The following PTPRE variants were observed in gnomAD, a reference collection of about 807,000 sequenced individuals.
PTPRE encodes the protein protein tyrosine phosphatase receptor type E.
In PTPRE, 51 loss-of-function variants were observed where a neutral mutation model predicts 102.0. The observed-to-expected ratio is 0.50, with a 90% CI of 0.40 to 0.63. The LOEUF (loss-of-function observed/expected upper bound fraction) is 0.63. Ranked by LOEUF, PTPRE falls within the 30% of genes least tolerant of loss-of-function variation. The probability of loss-of-function intolerance (pLI) is 0.00; values close to 1 mark genes in which losing one functional copy is unlikely to be tolerated. For missense variants in PTPRE, 752 were observed against 915.1 expected (o/e 0.82, Z 2.30); for synonymous variants, 345 against 348.2 (o/e 0.99, Z 0.10).
At chr10:128,051,395 G>C (rs1848553946) in intron 6 of PTPRE, among the ~76,000 whole-genome samples, 1 of 152,222 alleles carries the variant, frequency 6.6e-6, no homozygotes, top group South Asian at 2.1e-4. Flanking sequence ...CCACAGGAAA[G>C]GTAACAAATA....
chr10:127,968,044 G>GTGTGTGTGTA (rs778496459), intron 1 of PTPRE, among the ~76,000 whole-genome samples: 8 of 150,100 alleles, frequency 5.3e-5, no homozygotes, highest in African/African-American at 1.5e-4. Context: ...GTGTGTGTGT[G>GTGTGTGTGTA]TGTCCCTGGA....
At chr10:128,000,640 G>C (rs1853778187) in intron 2 of PTPRE, among the ~76,000 whole-genome samples, 2 of 152,194 alleles carry the variant, frequency 1.3e-5, no homozygotes. Context: ...CTATGAATTG[G>C]TTTTGATACT....
chr10:127,981,749 G>A (rs1251776747), intron 1 of PTPRE, among the ~76,000 whole-genome samples: 2 of 151,562 alleles, frequency 1.3e-5, no homozygotes, highest in South Asian at 2.1e-4. Context: ...ACTGGGAGGC[G>A]AAGTTTGCAG....
chr10:128,069,438 C>G, intron 12 of PTPRE: 1 of 510,866 alleles, frequency 2.0e-6, no homozygotes, highest in South Asian at 2.7e-5. Flanking sequence ...TCCACACAGC[C>G]TAATCCGAGG....
intron 3 of PTPRE, among the ~76,000 whole-genome samples, chr10:128,045,494 A>AGGGCAGATGTACCTGGGTACATTCGAG (rs1848016425): frequency 6.6e-6 from 1 of 152,114 alleles, no homozygotes; most frequent in Admixed American, 6.5e-5. Context: ...CCGGGAGATG[A>AGGGCAGATGTACCTGGGTACATTCGAG]GGGCAGATGT....
chr10:128,067,004 A>G (rs1177348613), intron 11 of PTPRE, among the ~76,000 whole-genome samples: 1 of 150,278 alleles, frequency 6.7e-6, no homozygotes, highest in African/African-American at 2.5e-5. Context: ...ACACACACGT[A>G]CACCTACCCA....
intron 2 of PTPRE, among the ~76,000 whole-genome samples, chr10:128,006,010 C>T (rs2135579861): frequency 6.6e-6 from 1 of 152,296 alleles, no homozygotes; most frequent in Admixed American, 6.5e-5. Flanking sequence ...CTTATAAAGA[C>T]ACCAGTCATT....
At chr10:127,961,698 C>G (rs866788772) in intron 1 of PTPRE, among the ~76,000 whole-genome samples, 22 of 152,294 alleles carry the variant, frequency 1.4e-4, no homozygotes, top group Non-Finnish European at 3.1e-4. Context: ...CTCTCCCCAG[C>G]GTCTTGTCTG....
chr10:127,911,329 C>T (rs1456196742), intron 1 of PTPRE, among the ~76,000 whole-genome samples: 1 of 152,168 alleles, frequency 6.6e-6, no homozygotes, highest in African/African-American at 2.4e-5. Context: ...ACCATTGACT[C>T]CAGTGATCGA....
chr10:127,984,206 C>T (rs1332413716), intron 2 of PTPRE, among the ~76,000 whole-genome samples: 6 of 151,868 alleles, frequency 4.0e-5, no homozygotes, highest in East Asian at 1.9e-4. Flanking sequence ...CTCAGCCTCC[C>T]GAGTAGCTGG....
intron 3 of PTPRE, among the ~76,000 whole-genome samples, chr10:128,046,797 G>T (rs1590127015): frequency 6.6e-6 from 1 of 152,164 alleles, no homozygotes; most frequent in Non-Finnish European, 1.5e-5. Flanking sequence ...TCTCTTTCTG[G>T]GTGAGGAAGG....
intron 2 of PTPRE, among the ~76,000 whole-genome samples, chr10:128,033,310 A>G (rs2135753961): frequency 1.3e-5 from 2 of 152,382 alleles, no homozygotes; most frequent in East Asian, 1.9e-4. Context: ...TCCCAAGGGT[A>G]GAAGAATTTC....
At chr10:127,951,182 G>A (rs1036832093) in intron 1 of PTPRE, among the ~76,000 whole-genome samples, 30 of 152,302 alleles carry the variant, frequency 2.0e-4, no homozygotes, top group African/African-American at 7.0e-4. Context: ...CTGCACAAAA[G>A]TCCAACTCAA....
chr10:127,968,296 G>T (rs767420320), intron 1 of PTPRE, among the ~76,000 whole-genome samples: 2 of 152,212 alleles, frequency 1.3e-5, no homozygotes, highest in African/African-American at 2.4e-5. Context: ...AGAGGCAGTT[G>T]CTGTTAGGTT....
intron 1 of PTPRE, among the ~76,000 whole-genome samples, chr10:127,948,104 G>A (rs1326135804): frequency 1.3e-5 from 2 of 152,198 alleles, no homozygotes; most frequent in Admixed American, 1.3e-4. Flanking sequence ...TAGATGCTTA[G>A]ATGTGTGTTG....
Position 127,907,303 on chromosome 10 carries a change from C to T in PTPRE, c.-37C>T. 1.8e-5 allele frequency: 18 copies of T among 984,804 alleles called. No individual in the cohort carries two copies. Among genetic ancestry groups the T allele is most frequent in the Non-Finnish European group, 2.2e-5 (18 of 829,732 alleles). The allele number at this position is 984,804 out of a possible 1,614,324, so 61.0% of individuals were successfully genotyped here. A position where few individuals can be genotyped will look rare whatever the true frequency, so the allele number is the denominator to read the frequency against. On this transcript the variant is annotated 5_prime_UTR_variant, in exon 1 of 21. Transcript: ENST00000254667. This position sits in a 1 kb window ranked among gnomAD's most constrained non-coding sequence, Gnocchi z 4.8. Reference sequence around the variant, plus strand: ...GCGATCTGCGCGACCAGACCGGCCCCCCCGAGGTGAGCGCGCGTGCGGACA... The same window carrying T: ...GCGATCTGCGCGACCAGACCGGCCCTCCCGAGGTGAGCGCGCGTGCGGACA...
chr10:128,034,036 C>G (rs1275022549), intron 2 of PTPRE, among the ~76,000 whole-genome samples: 1 of 152,204 alleles, frequency 6.6e-6, no homozygotes, highest in East Asian at 1.9e-4. Flanking sequence ...TACATGTACA[C>G]AGAGTAACTA....
chr10:127,916,164 C>A (rs1451024407), intron 1 of PTPRE, among the ~76,000 whole-genome samples: 1 of 152,064 alleles, frequency 6.6e-6, no homozygotes, highest in Non-Finnish European at 1.5e-5. Context: ...TGGTCTGGCT[C>A]TGTGTCCCCA....
chr10:127,935,281 C>T (rs1226571605), intron 1 of PTPRE, among the ~76,000 whole-genome samples: 1 of 152,200 alleles, frequency 6.6e-6, no homozygotes, highest in African/African-American at 2.4e-5. Flanking sequence ...CGGCAGGATG[C>T]GGTTGCGTCA....
Sources: allele counts gnomAD v4.1 joint callset (sites outside exome capture counted in the v4.1 genomes callset), GRCh38; gene constraint gnomAD v4.1.1; non-coding constraint Gnocchi (gnomAD v3.1); transcripts MANE v1.5; gene names NCBI Gene and HGNC (gene_info 2026-07-23, HGNC 2026-07-21).